B3GALT1: variants seen among roughly 807,000 people sequenced by gnomAD.
B3GALT1 encodes beta-1,3-galactosyltransferase 1.
Under a neutral mutation model 23.2 loss-of-function variants are expected in B3GALT1, and 10 were observed. The ratio of observed to expected loss-of-function variants is 0.43; its 90% CI spans 0.27 to 0.73. B3GALT1 has a LOEUF of 0.73. Among genes scored for constraint, B3GALT1 ranks in the 30% least tolerant of loss-of-function variants. The pLI is 0.21. For missense variants in B3GALT1, 299 were observed against 405.4 expected, an observed-to-expected ratio of 0.74 and a Z score of 2.25; for synonymous variants, 156 against 141.5, an observed-to-expected ratio of 1.10 and a Z score of -0.73.
intron 1 of B3GALT1, among the ~76,000 whole-genome samples, chr2:167,485,013 A>G (rs1699605260): frequency 6.6e-6 from 1 of 152,114 alleles, no homozygotes; most frequent in African/African-American, 2.4e-5. Context: ...TTTCAGTGCT[A>G]ATGCTGGTCA....
In B3GALT1 at chr2:167,867,161, C is replaced by T. The variant is rs370266078; in HGVS notation, c.-229-1650C>T. Among the ~76,000 whole-genome samples, 26 of 152,266 alleles carry T rather than the reference C, an allele frequency of 1.7e-4. No individual in the cohort carries two copies. In the East Asian group the frequency reaches 1.7e-3, roughly 10 times the overall value. On this transcript the variant is annotated intron_variant, in intron 4 of 4. Coordinates refer to ENST00000392690, the MANE Select transcript of B3GALT1 (RefSeq NM_020981.4). ...CAGGATGGTCTCGATCTCCTGACCT[C>T]GTGATCCGCCCCCCTTGGCCTCCCA...
At chr2:167,864,332 CACTTGAGCCCAGCCAA>C (rs1690167496) in intron 4 of B3GALT1, among the ~76,000 whole-genome samples, 1 of 152,172 alleles carries the variant, frequency 6.6e-6, no homozygotes, top group Non-Finnish European at 1.5e-5. Flanking sequence ...GCCAGAGGAT[CACTTGAGCCCAGCCAA>C]GGTTGAGACC....
intron 3 of B3GALT1, among the ~76,000 whole-genome samples, chr2:167,743,607 T>C (rs1330654460): frequency 6.6e-6 from 1 of 152,098 alleles, no homozygotes; most frequent in Admixed American, 6.5e-5. Context: ...TTTAAATCGG[T>C]TTTGGTAATA....
In B3GALT1 at chr2:167,336,592, G is replaced by A. The variant is rs575806442; in HGVS notation, c.-511+43258G>A. On this transcript the variant is annotated intron_variant, in intron 1 of 4. Coordinates refer to ENST00000392690, the MANE Select transcript of B3GALT1 (RefSeq NM_020981.4). Reference sequence around the variant, plus strand: ...TCTTCAGGTATAGAAATCAAGTTAGGTGTCTTCATTTCCTGACTCTTCTTT... The same window carrying A: ...TCTTCAGGTATAGAAATCAAGTTAGATGTCTTCATTTCCTGACTCTTCTTT... Among the ~76,000 whole-genome samples, 7 of 152,122 alleles carry A rather than the reference G, an allele frequency of 4.6e-5. No individual in the cohort carries two copies. In the South Asian group the frequency reaches 1.2e-3, roughly 27 times the overall value.
chr2:167,465,802 C>T (rs993443378), intron 1 of B3GALT1, among the ~76,000 whole-genome samples: 10 of 152,066 alleles, frequency 6.6e-5, no homozygotes, highest in African/African-American at 2.4e-4. Context: ...CACAATAGCA[C>T]CAAGTGATAA....
intron 1 of B3GALT1, among the ~76,000 whole-genome samples, chr2:167,485,347 T>C (rs1699611568): frequency 2.0e-5 from 3 of 152,306 alleles, no homozygotes; most frequent in African/African-American, 7.2e-5. Context: ...CCTGTTTGTG[T>C]AAGCATTTGA....
chr2:167,762,587 A>T (rs1055497303), intron 3 of B3GALT1, among the ~76,000 whole-genome samples: 28 of 152,018 alleles, frequency 1.8e-4, no homozygotes, highest in Non-Finnish European at 2.8e-4. Context: ...AAATAAAAAA[A>T]AAAAAAAAAC....
At chr2:167,423,456 A>G (rs1329370555) in intron 1 of B3GALT1, among the ~76,000 whole-genome samples, 1 of 152,182 alleles carries the variant, frequency 6.6e-6, no homozygotes, top group African/African-American at 2.4e-5. Flanking sequence ...ATCCACCAGG[A>G]CCGATCTATG....
chr2:167,834,237 G>A (rs528294266), intron 4 of B3GALT1, among the ~76,000 whole-genome samples: 5 of 152,180 alleles, frequency 3.3e-5, no homozygotes, highest in Admixed American at 2.6e-4. Context: ...CTGGGTACAT[G>A]TAACAGTCTT....
chr2:167,469,781 A>G (rs1031762371), intron 1 of B3GALT1, among the ~76,000 whole-genome samples: 1 of 152,140 alleles, frequency 6.6e-6, no homozygotes, highest in Non-Finnish European at 1.5e-5. Flanking sequence ...CTTTAGGTAT[A>G]ACATGTGATT....
chr2:167,702,660 CTATAAAA>C (rs1465237812), intron 3 of B3GALT1, among the ~76,000 whole-genome samples: 1 of 152,142 alleles, frequency 6.6e-6, no homozygotes, highest in Non-Finnish European at 1.5e-5. Context: ...ATAACCATTC[CTATAAAA>C]TATTTCAGAA....
chr2:167,807,536 A>G (rs1407740849), intron 3 of B3GALT1, among the ~76,000 whole-genome samples: 1 of 151,824 alleles, frequency 6.6e-6, no homozygotes, highest in Non-Finnish European at 1.5e-5. Context: ...GTTGGTTTCA[A>G]AGAACATCTT....
intron 1 of B3GALT1, among the ~76,000 whole-genome samples, chr2:167,416,457 G>T (rs1018192109): frequency 1.3e-5 from 2 of 152,238 alleles, no homozygotes; most frequent in Admixed American, 6.5e-5. Flanking sequence ...GTCAAAGGAT[G>T]CTGCAGAAAG....
At chr2:167,486,656 T>C (rs545910379) in intron 1 of B3GALT1, among the ~76,000 whole-genome samples, 1 of 151,864 alleles carries the variant, frequency 6.6e-6, no homozygotes, top group South Asian at 2.1e-4. Flanking sequence ...AGGCGAAGGT[T>C]GCAGTGAGCC....
chr2:167,591,928 A>G (rs1179645091), intron 2 of B3GALT1, among the ~76,000 whole-genome samples: 1 of 152,192 alleles, frequency 6.6e-6, no homozygotes, highest in Non-Finnish European at 1.5e-5. Flanking sequence ...ATAGCAGGGG[A>G]AAAATCAGGT....
At chr2:167,665,198 T>A (rs1686152227) in intron 3 of B3GALT1, among the ~76,000 whole-genome samples, 2 of 149,466 alleles carry the variant, frequency 1.3e-5, no homozygotes, top group South Asian at 4.2e-4. Flanking sequence ...GTCAAAGGCC[T>A]TTTCTGCATC....
intron 2 of B3GALT1, among the ~76,000 whole-genome samples, chr2:167,625,633 A>G (rs1333583011): frequency 6.6e-6 from 1 of 151,720 alleles, no homozygotes; most frequent in Non-Finnish European, 1.5e-5. Flanking sequence ...TTTCCATGTC[A>G]AAGGAGAGCT....
intron 1 of B3GALT1, among the ~76,000 whole-genome samples, chr2:167,441,912 G>T (rs148567211): frequency 0.11 from 16,368 of 151,066 alleles, 983 homozygotes; most frequent in African/African-American, 0.18. Flanking sequence ...AAGTTTTAGG[G>T]TACATGTGCA....
chr2:167,649,246 A>G (rs143842407), intron 3 of B3GALT1, among the ~76,000 whole-genome samples: 3 of 152,206 alleles, frequency 2.0e-5, no homozygotes, highest in African/African-American at 7.2e-5. Flanking sequence ...ACTCTAATTC[A>G]TGCATAATAA....
Sources: allele counts gnomAD v4.1 joint callset (sites outside exome capture counted in the v4.1 genomes callset), GRCh38; gene constraint gnomAD v4.1.1; transcripts MANE v1.5; gene names NCBI Gene and HGNC (gene_info 2026-07-23, HGNC 2026-07-21).